Variants in SEM1 observed in about 807,000 individuals in gnomAD.
SEM1 encodes the protein SEM1 26S proteasome subunit.
Under a neutral mutation model 12.7 loss-of-function variants are expected in SEM1, and 3 were observed. The observed-to-expected ratio is 0.24, with a 90% confidence interval of 0.11 to 0.61. The LOEUF (loss-of-function observed/expected upper bound fraction) is 0.61. Among genes scored for constraint, SEM1 ranks in the 20% least tolerant of loss-of-function variants. SEM1 has a pLI of 0.88. For missense variants in SEM1, 59 were observed against 81.3 expected, an observed-to-expected ratio of 0.73 and a Z score of 1.06; for synonymous variants, 30 against 27.8, an observed-to-expected ratio of 1.08 and a Z score of -0.25.
chr7:96,687,519 A>G (rs1789797162), downstream of SEM1, among the ~76,000 whole-genome samples: 1 of 152,012 alleles, frequency 6.6e-6, no homozygotes, highest in East Asian at 1.9e-4. Flanking sequence ...CATTCTCAGT[A>G]AACTATCGCA....
At chr7:96,656,888 C>CAT (rs1809200548) in intron 2 of SEM1, among the ~76,000 whole-genome samples, 1 of 150,274 alleles carries the variant, frequency 6.7e-6, no homozygotes. Flanking sequence ...CACACACACA[C>CAT]ATATGTATAT....
intron 2 of SEM1, among the ~76,000 whole-genome samples, chr7:96,531,150 A>G (rs1407218426): frequency 6.6e-6 from 1 of 152,158 alleles, no homozygotes; most frequent in Non-Finnish European, 1.5e-5. Context: ...AAAGATGACC[A>G]TATAAACATG....
intron 2 of SEM1, among the ~76,000 whole-genome samples, chr7:96,614,923 T>C (rs1245792563): frequency 1.3e-5 from 2 of 151,512 alleles, no homozygotes; most frequent in South Asian, 2.1e-4. Flanking sequence ...ACAATTCTTA[T>C]TGTTTTTTCT....
Position 96,523,901 on chromosome 7 carries a change from A to G in SEM1, c.171-17203T>C, listed in dbSNP as rs375068167. The stretch of plus-strand genomic sequence containing the variant: ...TCAGATGATGCATCTCACCCCTTTC[A>G]TTTCTCACTTACGTTTAACAAACTT... On this transcript the variant is annotated intron_variant and NMD_transcript_variant, in intron 2 of 3. Coordinates refer to the SEM1 transcript ENST00000466986. Among the ~76,000 whole-genome samples, 15 of 151,840 alleles carry G rather than the reference A, an allele frequency of 9.9e-5. No individual in the cohort carries two copies. In the East Asian group the frequency reaches 2.1e-3, roughly 22 times the overall value.
At chr7:96,550,582 G>A (rs1317948142) in intron 2 of SEM1, among the ~76,000 whole-genome samples, 1 of 152,140 alleles carries the variant, frequency 6.6e-6, no homozygotes, top group East Asian at 1.9e-4. Flanking sequence ...ATTATGAAGT[G>A]TGTTGAAAGA....
At chr7:96,656,844 T>C (rs1028206789) in intron 2 of SEM1, among the ~76,000 whole-genome samples, 34 of 117,496 alleles carry the variant, frequency 2.9e-4, no homozygotes, top group African/African-American at 1.1e-3. Flanking sequence ...TTAAAAAATA[T>C]AATGTTAAAT....
intron 2 of SEM1, among the ~76,000 whole-genome samples, chr7:96,604,392 G>A (rs1195340789): frequency 6.6e-6 from 1 of 152,058 alleles, no homozygotes; most frequent in Non-Finnish European, 1.5e-5. Context: ...ACATCAGTAG[G>A]TTGATAACCT....
chr7:96,487,271 T>C (rs918121217), intron 1 of SEM1, among the ~76,000 whole-genome samples: 7 of 150,078 alleles, frequency 4.7e-5, no homozygotes, highest in Admixed American at 2.0e-4. Context: ...GTAAACACAA[T>C]ATCAAATTTT....
At chr7:96,622,883 A>G (rs1474248151) in intron 2 of SEM1, 6 of 498,550 alleles carry the variant, frequency 1.2e-5, no homozygotes, top group Middle Eastern at 1.1e-3. Flanking sequence ...TGAGCTCTGC[A>G]TGGAATACAA....
intron 2 of SEM1, among the ~76,000 whole-genome samples, chr7:96,646,545 TA>T (rs1808799908): frequency 6.6e-6 from 1 of 152,198 alleles, no homozygotes; most frequent in Non-Finnish European, 1.5e-5. Context: ...ATATACAAAC[TA>T]TACATGTAAG....
chr7:96,588,469 G>A (rs1002947605), intron 2 of SEM1, among the ~76,000 whole-genome samples: 3 of 146,698 alleles, frequency 2.0e-5, no homozygotes, highest in African/African-American at 7.4e-5. Context: ...ACAACATTAG[G>A]TTTGACATGA....
chr7:96,629,121 T>A (rs1273501975), intron 2 of SEM1, among the ~76,000 whole-genome samples: 1 of 152,200 alleles, frequency 6.6e-6, no homozygotes, highest in African/African-American at 2.4e-5. Flanking sequence ...CTTGAGGCAG[T>A]CTTTTGAGTT....
chr7:96,624,279 C>G (rs1807990002), intron 2 of SEM1, among the ~76,000 whole-genome samples: 1 of 152,028 alleles, frequency 6.6e-6, no homozygotes, highest in Admixed American at 6.5e-5. Context: ...GTTGATAAAT[C>G]TAGGTGGTAG....
At chr7:96,628,924 G>A (rs1808159514) in intron 2 of SEM1, among the ~76,000 whole-genome samples, 1 of 152,120 alleles carries the variant, frequency 6.6e-6, no homozygotes. Context: ...ACTAATCTAG[G>A]TTAGTTTTCT....
At chr7:96,643,341 TTTTA>T (rs1438036395) in intron 2 of SEM1, among the ~76,000 whole-genome samples, 1 of 144,436 alleles carries the variant, frequency 6.9e-6, no homozygotes, top group East Asian at 1.9e-4. Context: ...TTTTCTTTAT[TTTTA>T]TTTATTTTTA....
intron 2 of SEM1, among the ~76,000 whole-genome samples, chr7:96,552,244 G>C (rs1477814328): frequency 6.6e-6 from 1 of 151,886 alleles, no homozygotes; most frequent in African/African-American, 2.4e-5. Flanking sequence ...ACATTGTGCA[G>C]GTTAGTTACA....
chr7:96,708,529 C>T (rs1199672601), intron 1 of SEM1, among the ~76,000 whole-genome samples: 3 of 152,202 alleles, frequency 2.0e-5, no homozygotes, highest in Non-Finnish European at 4.4e-5. Flanking sequence ...TCTCTTTCTA[C>T]CACCTTCAGA....
At chr7:96,673,434 A>T, downstream of SEM1, 1 of 239,184 alleles carries the variant, frequency 4.2e-6, no homozygotes, top group Non-Finnish European at 8.4e-6. Flanking sequence ...TATGAAAGAC[A>T]TGACTTTCCA....
chr7:96,495,882 A>C (rs1188070887), intron 1 of SEM1, among the ~76,000 whole-genome samples: 1 of 152,050 alleles, frequency 6.6e-6, no homozygotes, highest in Non-Finnish European at 1.5e-5. Flanking sequence ...CCACACTCAG[A>C]CCTGCAACCT....
Sources: allele counts gnomAD v4.1 joint callset (sites outside exome capture counted in the v4.1 genomes callset), GRCh38; gene constraint gnomAD v4.1.1; transcripts MANE v1.5; gene names NCBI Gene and HGNC (gene_info 2026-07-23, HGNC 2026-07-21).